The following FLACC1 variants were observed in gnomAD, a reference collection of about 807,000 sequenced individuals.
FLACC1 encodes the protein flagellum associated containing coiled-coil domains 1.
FLACC1 carries 66 observed loss-of-function variants against 62.8 expected under a neutral mutation model. That is an observed-to-expected ratio of 1.05 (90% CI 0.86 to 1.29). FLACC1 has a LOEUF of 1.29. Among genes scored for constraint, FLACC1 ranks in the 50% most tolerant of loss-of-function variants. FLACC1 has a pLI of 0.00. For synonymous variants in FLACC1, 156 were observed against 161.0 expected, an observed-to-expected ratio of 0.97 and a Z score of 0.24; for missense variants, 452 against 489.1, an observed-to-expected ratio of 0.92 and a Z score of 0.71.
intron 12 of FLACC1, among the ~76,000 whole-genome samples, chr2:201,293,505 T>C (rs1302266393): frequency 2.0e-5 from 3 of 152,204 alleles, no homozygotes; most frequent in Non-Finnish European, 4.4e-5. Context: ...CCAGAATCTC[T>C]GGGACACATT....
intron 9 of FLACC1, among the ~76,000 whole-genome samples, chr2:201,325,727 C>G (rs1265776861): frequency 6.6e-6 from 1 of 152,204 alleles, no homozygotes; most frequent in Non-Finnish European, 1.5e-5. Context: ...GGATTCACAG[C>G]TGAATTCCAC....
At chr2:201,298,597 G>A (rs1425806357) in intron 12 of FLACC1, among the ~76,000 whole-genome samples, 1 of 152,220 alleles carries the variant, frequency 6.6e-6, no homozygotes, top group Non-Finnish European at 1.5e-5. Context: ...GGACACCACA[G>A]TCTGTTTGCC....
rs1025423023 is a variant in FLACC1, at chr2:201,348,169, G to T, written c.234+85C>A. ...TCTTTGTGAAGATTCGACAAGGTAA[G>T]TATAAAAATGTAAAGGGCCCATGCT... On this transcript the variant is annotated intron_variant, in intron 4 of 14. Transcript: ENST00000392257. 5.5e-5 allele frequency: 73 copies of T among 1,325,106 alleles called. 1 individual carries two copies. The Admixed American group carries it at 1.6e-3, about 28-fold the overall frequency. The allele number at this position is 1,325,106 out of a possible 1,614,324, so 82.1% of individuals were successfully genotyped here.
At chr2:201,337,998 T>C (rs559060355) in intron 7 of FLACC1, among the ~76,000 whole-genome samples, 1 of 152,350 alleles carries the variant, frequency 6.6e-6, no homozygotes, top group South Asian at 2.1e-4. Flanking sequence ...CATGGCCATT[T>C]TGGCGATCTT....
intron 9 of FLACC1, among the ~76,000 whole-genome samples, chr2:201,310,660 G>A (rs1255528608): frequency 6.6e-6 from 1 of 152,162 alleles, no homozygotes; most frequent in Non-Finnish European, 1.5e-5. Context: ...TCCATGCTTT[G>A]CTTGTGGCAG....
chr2:201,341,378 G>A (rs1334682652), intron 7 of FLACC1, among the ~76,000 whole-genome samples: 1 of 132,466 alleles, frequency 7.5e-6, no homozygotes, highest in Non-Finnish European at 1.6e-5. Context: ...TATACAACAT[G>A]ATGTCATAAG....
At chr2:201,330,388 C>T in intron 9 of FLACC1, 82 bp downstream of exon 9, 1 of 1,352,940 alleles carries the variant, frequency 7.4e-7, no homozygotes, top group Non-Finnish European at 1.0e-6. Flanking sequence ...ATTTTCTGGA[C>T]AAAAGCTCTA....
chr2:201,300,840 C>T (rs1949966298), intron 11 of FLACC1, among the ~76,000 whole-genome samples: 1 of 152,170 alleles, frequency 6.6e-6, no homozygotes, highest in Non-Finnish European at 1.5e-5. Flanking sequence ...CAGCAAACTC[C>T]AACAGACCTG....
chr2:201,299,364 A>T, intron 11 of FLACC1, 64 bp from the exon 12 acceptor site: 1 of 1,322,128 alleles, frequency 7.6e-7, no homozygotes, highest in South Asian at 1.2e-5. Flanking sequence ...TAGGGAGTTA[A>T]GAAAGCCAGA....
intron 1 of FLACC1, among the ~76,000 whole-genome samples, chr2:201,354,517 C>T (rs912804695): frequency 2.0e-5 from 3 of 152,166 alleles, no homozygotes; most frequent in African/African-American, 7.2e-5. Flanking sequence ...GTGACAGGGC[C>T]GCCATTTATA....
Position 201,351,272 on chromosome 2 carries a change from C to G in FLACC1, c.113+20G>C, listed in dbSNP as rs1411792697. 4 of 1,570,996 alleles carry G rather than the reference C, an allele frequency of 2.5e-6. No individual in the cohort carries two copies. The highest frequency in any genetic ancestry group is 2.2e-5 in the South Asian group (2 of 89,964). On this transcript the variant is annotated intron_variant, in intron 2 of 14. Transcript: ENST00000392257. ...GGATCCCAAGGTCCCTGTGCCTACC[C>G]CATCCCAGATAATTCTTACTTGGAA...
At position 201,330,857 on chromosome 2, in the gene FLACC1, AC is replaced by A. The variant is rs746254507; in HGVS notation, c.525-25del. 15 of 1,597,844 alleles carry A rather than the reference AC, an allele frequency of 9.4e-6. No individual in the cohort carries two copies. In the African/African-American group the frequency reaches 1.9e-4, roughly 20 times the overall value. On this transcript the variant is annotated intron_variant, in intron 7 of 14. Transcript: ENST00000392257. ...CCCTGTGGGACCCCAGGAGAAGGCCACAATCATTAGTAAAAAGAAGTCCAGA... is the reference window on the plus strand; with the variant it reads ...CCCTGTGGGACCCCAGGAGAAGGCCAAATCATTAGTAAAAAGAAGTCCAGA...
intron 9 of FLACC1, among the ~76,000 whole-genome samples, chr2:201,328,818 T>C (rs1258981269): frequency 6.6e-6 from 1 of 152,238 alleles, no homozygotes; most frequent in African/African-American, 2.4e-5. Flanking sequence ...AACCTATATT[T>C]TGAAATAAGT....
intron 12 of FLACC1, among the ~76,000 whole-genome samples, chr2:201,299,031 A>G (rs1186567905): frequency 1.3e-5 from 2 of 152,258 alleles, no homozygotes; most frequent in Admixed American, 6.5e-5. Flanking sequence ...TGTTCAAATC[A>G]GACTTTAAAA....
At chr2:201,294,094 C>T (rs567327590) in intron 12 of FLACC1, among the ~76,000 whole-genome samples, 5 of 152,276 alleles carry the variant, frequency 3.3e-5, no homozygotes, top group African/African-American at 1.2e-4. Flanking sequence ...ACCAGAGGTA[C>T]AAGGAGGAGC....
At chr2:201,304,637 C>G (rs1488382946) in intron 11 of FLACC1, among the ~76,000 whole-genome samples, 1 of 152,074 alleles carries the variant, frequency 6.6e-6, no homozygotes, top group Non-Finnish European at 1.5e-5. Context: ...CAATCCTAAG[C>G]CAAAAGAACA....
chr2:201,316,073 T>G (rs1408976868), intron 9 of FLACC1, among the ~76,000 whole-genome samples: 1 of 151,972 alleles, frequency 6.6e-6, no homozygotes, highest in African/African-American at 2.4e-5. Context: ...AGAGGAAAGC[T>G]AAAAGCCCTA....
At chr2:201,318,312 C>A (rs1159563953) in intron 9 of FLACC1, among the ~76,000 whole-genome samples, 2 of 152,102 alleles carry the variant, frequency 1.3e-5, no homozygotes, top group Non-Finnish European at 1.5e-5. Context: ...AACAGACAAC[C>A]CACAGAGTGG....
At chr2:201,356,260 A>T (rs998562078) in intron 1 of FLACC1, among the ~76,000 whole-genome samples, 2 of 152,200 alleles carry the variant, frequency 1.3e-5, no homozygotes, top group Non-Finnish European at 2.9e-5. Context: ...TCCGAGGTTC[A>T]AGCGATTCTC....
Sources: gnomAD v4.1 joint callset for allele counts (sites outside exome capture counted in the v4.1 genomes callset) on GRCh38, gnomAD v4.1.1 for gene constraint, MANE v1.5 for transcripts, NCBI Gene and HGNC (gene_info 2026-07-23, HGNC 2026-07-21) for gene names.